Variants in TCEANC2 observed in about 807,000 individuals in gnomAD.
The protein encoded by TCEANC2 is transcription elongation factor A N-terminal and central domain containing 2, also known as transcription elongation factor A N-terminal and central domain-containing protein 2.
TCEANC2 carries 20 observed loss-of-function variants against 22.8 expected under a neutral mutation model. That is an observed-to-expected ratio of 0.88 (90% CI 0.62 to 1.28). The LOEUF is 1.28. Among genes scored for constraint, TCEANC2 ranks in the 50% most tolerant of loss-of-function variants. The probability of loss-of-function intolerance (pLI) is 0.00; values close to 1 mark genes in which losing one functional copy is unlikely to be tolerated. For missense variants in TCEANC2, 251 were observed against 249.7 expected (o/e 1.01, Z -0.03); for synonymous variants, 84 against 95.5 (o/e 0.88, Z 0.70).
At chr1:54,055,011 T>C (rs914118403) in intron 2 of TCEANC2, among the ~76,000 whole-genome samples, 7 of 152,046 alleles carry the variant, frequency 4.6e-5, no homozygotes, top group Non-Finnish European at 1.0e-4. Context: ...AGGGTCTCAC[T>C]CTGTCACCCA....
intron 2 of TCEANC2, among the ~76,000 whole-genome samples, chr1:54,057,346 A>ATTT (rs1657771622): frequency 8.6e-6 from 1 of 116,114 alleles, no homozygotes; most frequent in African/African-American, 3.6e-5. Flanking sequence ...ACACCTGGCT[A>ATTT]ATTTTTTTTT....
At chr1:54,082,871 A>G (rs190081384) in intron 3 of TCEANC2, among the ~76,000 whole-genome samples, 4 of 152,294 alleles carry the variant, frequency 2.6e-5, no homozygotes, top group Non-Finnish European at 5.9e-5. Context: ...TGTGTTTGAA[A>G]AAGGTCATTT....
intron 2 of TCEANC2, among the ~76,000 whole-genome samples, chr1:54,057,752 A>G (rs970399969): frequency 3.9e-5 from 6 of 152,146 alleles, no homozygotes; most frequent in African/African-American, 1.4e-4. Flanking sequence ...TAAAGATCAC[A>G]GTTTTTTACA....
At chr1:54,061,882 TAA>T (rs1292755453) in intron 2 of TCEANC2, among the ~76,000 whole-genome samples, 1 of 152,254 alleles carries the variant, frequency 6.6e-6, no homozygotes, top group African/African-American at 2.4e-5. Context: ...TCACATTCTA[TAA>T]AAGTGATTCT....
chr1:54,090,742 T>A (rs772396694), intron 4 of TCEANC2, among the ~76,000 whole-genome samples: 16 of 152,184 alleles, frequency 1.1e-4, no homozygotes, highest in Non-Finnish European at 1.8e-4. Context: ...GCCAACAAGA[T>A]TTATTTTAAA....
intron 4 of TCEANC2, among the ~76,000 whole-genome samples, chr1:54,094,445 T>A (rs575542543): frequency 2.0e-5 from 3 of 152,188 alleles, no homozygotes; most frequent in Non-Finnish European, 4.4e-5. Context: ...TAAACACCTA[T>A]TTCACCTAGC....
intron 3 of TCEANC2, among the ~76,000 whole-genome samples, chr1:54,077,113 C>A (rs978092304): frequency 5.3e-5 from 8 of 152,056 alleles, no homozygotes; most frequent in African/African-American, 7.2e-5. Context: ...CTTAGAGAAA[C>A]CTTATCAGGG....
At chr1:54,062,480 T>C (rs1192255697) in intron 2 of TCEANC2, among the ~76,000 whole-genome samples, 4 of 152,186 alleles carry the variant, frequency 2.6e-5, no homozygotes, top group African/African-American at 9.6e-5. Flanking sequence ...TCCTTGAAGG[T>C]AGAAATAGTT....
intron 3 of TCEANC2, among the ~76,000 whole-genome samples, chr1:54,074,379 C>T (rs962132452): frequency 6.6e-6 from 1 of 152,082 alleles, no homozygotes; most frequent in Non-Finnish European, 1.5e-5. Flanking sequence ...AGGAGAATGG[C>T]GTGAACCCGG....
chr1:54,081,841 C>T (rs1271084070), intron 3 of TCEANC2, among the ~76,000 whole-genome samples: 3 of 152,274 alleles, frequency 2.0e-5, no homozygotes, highest in East Asian at 3.9e-4. Context: ...GATGTACTGC[C>T]CCCTGCAGGC....
chr1:54,059,571 C>T (rs1313484788), intron 2 of TCEANC2, among the ~76,000 whole-genome samples: 1 of 152,184 alleles, frequency 6.6e-6, no homozygotes, highest in Non-Finnish European at 1.5e-5. Flanking sequence ...TCTGGGTTCT[C>T]TAAGGGAGTT....
chr1:54,107,342 G>A (rs1035937615), downstream of TCEANC2, among the ~76,000 whole-genome samples: 1 of 152,180 alleles, frequency 6.6e-6, no homozygotes, highest in African/African-American at 2.4e-5. Flanking sequence ...CTTCACAGCA[G>A]GGGGCACATG....
chr1:54,087,039 C>T (rs1658351611), intron 3 of TCEANC2, among the ~76,000 whole-genome samples: 1 of 152,200 alleles, frequency 6.6e-6, no homozygotes. Context: ...ATTTGTTCCC[C>T]TGTGGTGTTC....
chr1:54,082,720 G>A (rs1289157704), intron 3 of TCEANC2, among the ~76,000 whole-genome samples: 1 of 152,140 alleles, frequency 6.6e-6, no homozygotes, highest in Non-Finnish European at 1.5e-5. Context: ...GTGAGGGGAG[G>A]GAGGAAGGAG....
At chr1:54,075,778 C>A (rs952818551) in intron 3 of TCEANC2, among the ~76,000 whole-genome samples, 1 of 152,090 alleles carries the variant, frequency 6.6e-6, no homozygotes, top group Non-Finnish European at 1.5e-5. Context: ...CTTTGGGAGG[C>A]GCAGGCAAGT....
At chr1:54,078,243 A>C (rs1247089333) in intron 3 of TCEANC2, among the ~76,000 whole-genome samples, 1 of 152,088 alleles carries the variant, frequency 6.6e-6, no homozygotes, top group African/African-American at 2.4e-5. Context: ...TGTAAATGTC[A>C]GTGTCATAAC....
intron 3 of TCEANC2, among the ~76,000 whole-genome samples, chr1:54,075,787 G>A (rs1658132961): frequency 6.6e-6 from 1 of 152,212 alleles, no homozygotes; most frequent in Non-Finnish European, 1.5e-5. Flanking sequence ...GCGCAGGCAA[G>A]TGAATCACTT....
chr1:54,080,404 A>G (rs1658218134), intron 3 of TCEANC2, among the ~76,000 whole-genome samples: 1 of 151,872 alleles, frequency 6.6e-6, no homozygotes, highest in Admixed American at 6.6e-5. Flanking sequence ...TCAGCCTCCT[A>G]ATAAGTGCTG....
At chr1:54,073,021 A>C (rs960622072) in intron 3 of TCEANC2, among the ~76,000 whole-genome samples, 1 of 152,064 alleles carries the variant, frequency 6.6e-6, no homozygotes, top group African/African-American at 2.4e-5. Context: ...GCCGGAGTGC[A>C]GTGGCACAGT....
Sources: allele counts gnomAD v4.1 joint callset (sites outside exome capture counted in the v4.1 genomes callset), GRCh38; gene constraint gnomAD v4.1.1; transcripts MANE v1.5; gene names NCBI Gene and HGNC (gene_info 2026-07-23, HGNC 2026-07-21).